BMP2: variants seen among roughly 807,000 people sequenced by gnomAD.
BMP2 encodes the protein bone morphogenetic protein 2A.
BMP2 carries 2 observed loss-of-function variants against 28.8 expected under a neutral mutation model. That is an observed-to-expected ratio of 0.07 (90% CI 0.03 to 0.22). The LOEUF is 0.22. Ranked by LOEUF, BMP2 falls within the 10% of genes least tolerant of loss-of-function variation. The pLI, the probability that BMP2 is intolerant of heterozygous loss-of-function variation, is 1.00. For synonymous variants in BMP2, 218 were observed against 204.3 expected (o/e 1.07, Z -0.57); for missense variants, 437 against 517.7 (o/e 0.84, Z 1.51).
Position 6,778,498 on chromosome 20 carries a change from T to A in BMP2, c.600T>A (p.Asn200Lys), listed in dbSNP as rs1349011153. The change falls in exon 3 of 3, where the codon AAT becomes AAA. Residue 200 changes from asparagine (N) to lysine (K), a missense_variant. Physicochemically the swap from Asn to Lys is moderately conservative, Grantham distance 94. Around this residue, in one of 2 missense-constraint regions of BMP2, gnomAD observed 363 missense variants for 392.8 expected, o/e 0.92. Coordinates refer to ENST00000378827, the MANE Select transcript of BMP2 (RefSeq NM_001200.4). The surrounding 1 kb of genome is among the most constrained non-coding windows in gnomAD (Gnocchi z 5.0). ...TGGACACCAGGTTGGTGAATCAGAATGCAAGCAGGTGGGAAAGTTTTGATG... is the reference window on the plus strand; with the variant it reads ...TGGACACCAGGTTGGTGAATCAGAAAGCAAGCAGGTGGGAAAGTTTTGATG... ...RLLDTRLVNQ[N>K]ASRWESFDVT... 6.2e-7 allele frequency: 1 copy of A among 1,614,198 alleles called. No homozygotes were observed. The highest frequency in any genetic ancestry group is 8.5e-7 in the Non-Finnish European group (1 of 1,180,034).
At position 6,780,020 on chromosome 20, in the gene BMP2, AATTT is replaced by A. The variant is rs144610334; in HGVS notation, c.*936_*939del. 1,544 of 152,682 alleles carry A rather than the reference AATTT, an allele frequency of 0.01. 9 individuals carry two copies. The highest frequency in any genetic ancestry group is 0.034 in the Middle Eastern group (10 of 294). 9.5% of individuals were successfully genotyped at this position (152,682 alleles called of 1,614,324 possible). The stretch of plus-strand genomic sequence containing the variant: ...CTCGTGGCCCTCATCAAGGGTTGGA[AATTT>A]ATTTGTGTTTTACCTTTACCTCATC... On this transcript the variant is annotated 3_prime_UTR_variant, in exon 3 of 3. Coordinates refer to ENST00000378827, the MANE Select transcript of BMP2 (RefSeq NM_001200.4).
In BMP2 at chr20:6,768,316, C is replaced by G. The variant is rs927371742; in HGVS notation, c.-567C>G. On this transcript the variant is annotated 5_prime_UTR_variant, in exon 1 of 3. Coordinates refer to ENST00000378827, the MANE Select transcript of BMP2 (RefSeq NM_001200.4). ...ACTCGCCTGGCACCGAGATCGCCGC[C>G]GTGCCCTTCCCTGGACCCGGCGTCG... is the stretch of plus-strand genomic sequence containing the variant. 2.5e-6 allele frequency: 1 copy of G among 397,650 alleles called. No individual in the cohort carries two copies. The highest frequency in any genetic ancestry group is 4.4e-6 in the Non-Finnish European group (1 of 225,604). The allele number at this position is 397,650 out of a possible 1,614,324, so 24.6% of individuals were successfully genotyped here.
In BMP2 at chr20:6,780,059, T is replaced by G. The variant is rs567771075; in HGVS notation, c.*970T>G. The G allele has an allele frequency of 9.8e-4, 149 of 152,786 alleles. No homozygotes were observed. Among genetic ancestry groups the G allele is most frequent in the African/African-American group, 3.1e-3 (127 of 41,588 alleles). 9.5% of individuals were successfully genotyped at this position (152,786 alleles called of 1,614,324 possible). On this transcript the variant is annotated 3_prime_UTR_variant, in exon 3 of 3. Transcript: ENST00000378827. The stretch of plus-strand genomic sequence containing the variant: ...TTACCTTTACCTCATCTGAGAGCTC[T>G]TTATTCTCCAAAGAACCCAGTTTTC...
Position 6,778,210 on chromosome 20 carries a change from T to C in BMP2, c.347-35T>C. ...CTTGGCTTACTGAAATTCAGACTTTTCTTTTTTCTTCCCTGTTTTTCTCTA... is the reference window on the plus strand; with the variant it reads ...CTTGGCTTACTGAAATTCAGACTTTCCTTTTTTCTTCCCTGTTTTTCTCTA... On this transcript the variant is annotated intron_variant, in intron 2 of 2. Coordinates refer to ENST00000378827, the MANE Select transcript of BMP2 (RefSeq NM_001200.4). This position sits in a 1 kb window ranked among gnomAD's most constrained non-coding sequence, Gnocchi z 5.0. The C allele has an allele frequency of 6.5e-7, 1 of 1,541,922 alleles. No homozygotes were observed. The highest frequency in any genetic ancestry group is 8.7e-7 in the Non-Finnish European group (1 of 1,151,238).
intron 2 of BMP2, 102 bp downstream of exon 2, chr20:6,770,574 C>T (rs1986378419): frequency 2.6e-6 from 3 of 1,156,048 alleles, no homozygotes; most frequent in Non-Finnish European, 3.6e-6. Flanking sequence ...GGCCGGGGCA[C>T]CAGCGGACGT....
Position 6,769,612 on chromosome 20 carries a change from G to GGTGTGTGTGTGTGT in BMP2, c.-7-485_-7-472dup, listed in dbSNP as rs61071559. 6.3e-3 allele frequency among the ~76,000 whole-genome samples: 875 copies of GGTGTGTGTGTGTGT among 139,984 alleles called. 4 individuals are homozygous for GGTGTGTGTGTGTGT. Among genetic ancestry groups the GGTGTGTGTGTGTGT allele is most frequent in the South Asian group, 0.012 (49 of 4,242 alleles). 91.8% of individuals were successfully genotyped at this position (139,984 alleles called of 152,430 possible). On this transcript the variant is annotated intron_variant, in intron 1 of 2. Coordinates refer to ENST00000378827, the MANE Select transcript of BMP2 (RefSeq NM_001200.4). Reference sequence around the variant, plus strand: ...GCTTACAGGGTCTGGAAGCTATAAGGGTGTGTGTGTGTGTGTGTGTGTGTG... The same window carrying GGTGTGTGTGTGTGT: ...GCTTACAGGGTCTGGAAGCTATAAGGGTGTGTGTGTGTGTGTGTGTGTGTGTGTGTGTGTGTGTG...
intron 2 of BMP2, among the ~76,000 whole-genome samples, chr20:6,774,118 G>T (rs1390628509): frequency 6.6e-6 from 1 of 152,018 alleles, no homozygotes; most frequent in Non-Finnish European, 1.5e-5. Context: ...AGTTGGGACA[G>T]AACTCACCCA....
chr20:6,775,291 T>C (rs1264526140), intron 2 of BMP2, among the ~76,000 whole-genome samples: 1 of 152,230 alleles, frequency 6.6e-6, no homozygotes, highest in Non-Finnish European at 1.5e-5. Flanking sequence ...TACTCTTCCC[T>C]GGCAGATTAA....
In BMP2 at chr20:6,769,354, C is replaced by T. The variant is rs144643504; in HGVS notation, c.-8+479C>T. On this transcript the variant is annotated intron_variant, in intron 1 of 2. Coordinates refer to ENST00000378827, the MANE Select transcript of BMP2 (RefSeq NM_001200.4). ...GAAAGTACTAGGAGTTTGGGGTTCT[C>T]CCTACTTGTTTCCAGAAATGCGAGG... Among the ~76,000 whole-genome samples the T allele has an allele frequency of 4.8e-3, 727 of 152,128 alleles. 9 individuals are homozygous for T. Among genetic ancestry groups the T allele is most frequent in the Non-Finnish European group, 8.6e-3 (588 of 68,000 alleles).
intron 2 of BMP2, among the ~76,000 whole-genome samples, chr20:6,776,611 G>A (rs986813111): frequency 2.0e-5 from 3 of 152,220 alleles, no homozygotes; most frequent in Non-Finnish European, 4.4e-5. Flanking sequence ...TGAATCTCAA[G>A]CATCTCCCCA....
chr20:6,776,490 C>T (rs1986503109), intron 2 of BMP2, among the ~76,000 whole-genome samples: 1 of 152,158 alleles, frequency 6.6e-6, no homozygotes, highest in African/African-American at 2.4e-5. Context: ...TTTAAAAATG[C>T]ACTCCTGGCA....
Position 6,770,246 on chromosome 20 carries a change from C to G in BMP2, c.120C>G (p.Arg40=). The G allele has an allele frequency of 6.2e-7, 1 of 1,608,704 alleles. No homozygotes were observed. The highest frequency in any genetic ancestry group is 8.5e-7 in the Non-Finnish European group (1 of 1,177,924). The change falls in exon 2 of 3, where the codon CGC becomes CGG. Residue 40 remains arginine (R), a synonymous_variant. Coordinates refer to ENST00000378827, the MANE Select transcript of BMP2 (RefSeq NM_001200.4). ...RRKFAAASSG[R]PSSQPSDEVL... ...AGTTCGCGGCGGCGTCGTCGGGCCGCCCCTCATCCCAGCCCTCTGACGAGG... is the reference window on the plus strand; with the variant it reads ...AGTTCGCGGCGGCGTCGTCGGGCCGGCCCTCATCCCAGCCCTCTGACGAGG...
intron 2 of BMP2, among the ~76,000 whole-genome samples, chr20:6,771,813 C>T (rs897716818): frequency 6.6e-6 from 1 of 152,152 alleles, no homozygotes; most frequent in African/African-American, 2.4e-5. Context: ...AGATCTCACT[C>T]CACTCTTTCA....
rs576029160 is a variant in BMP2, at chr20:6,772,785, C to T, written c.346+2313C>T. 1.7e-3 allele frequency among the ~76,000 whole-genome samples: 258 copies of T among 152,316 alleles called. 1 individual carries two copies. The highest frequency in any genetic ancestry group is 5.5e-3 in the African/African-American group (230 of 41,578). On this transcript the variant is annotated intron_variant, in intron 2 of 2. Coordinates refer to ENST00000378827, the MANE Select transcript of BMP2 (RefSeq NM_001200.4). ...CGACCATATCATAGGGGATCTGAGA[C>T]AGAATTATCAGTTGTATTTTTCCTA...
chr20:6,769,902 T>C (rs1044540119), intron 1 of BMP2, among the ~76,000 whole-genome samples: 1 of 152,098 alleles, frequency 6.6e-6, no homozygotes, highest in Non-Finnish European at 1.5e-5. Context: ...AGCTAAGCGT[T>C]GGATGGGAGC....
chr20:6,777,352 TA>T (rs1204846214), intron 2 of BMP2, among the ~76,000 whole-genome samples: 3 of 152,184 alleles, frequency 2.0e-5, no homozygotes, highest in Non-Finnish European at 4.4e-5. Context: ...AAATTTTTAT[TA>T]TTTTTTTGGT....
intron 1 of BMP2, among the ~76,000 whole-genome samples, chr20:6,769,797 T>C (rs1462778293): frequency 6.6e-6 from 1 of 152,110 alleles, no homozygotes; most frequent in African/African-American, 2.4e-5. Context: ...GTTCCCGGCA[T>C]TGGCTGTCAG....
intron 2 of BMP2, among the ~76,000 whole-genome samples, chr20:6,775,606 ATTG>A (rs1487253216): frequency 5.3e-5 from 8 of 152,136 alleles, no homozygotes; most frequent in African/African-American, 1.9e-4. Context: ...ACCACATGAA[ATTG>A]TTGTTGTCTG....
chr20:6,773,517 C>T lies in BMP2; in HGVS notation c.346+3045C>T, dbSNP rs1986439905. Among the ~76,000 whole-genome samples the T allele has an allele frequency of 2.0e-5, 3 of 152,184 alleles. No individual in the cohort carries two copies. In the South Asian group the frequency reaches 6.2e-4, roughly 32 times the overall value. On this transcript the variant is annotated intron_variant, in intron 2 of 2. Transcript: ENST00000378827. ...GGTTCCCCTAAATTTCTCTTAATCC[C>T]TTTGCAGTGAACTATTTTGCGTTCT... is the stretch of plus-strand genomic sequence containing the variant.
Sources: allele counts gnomAD v4.1 joint callset (sites outside exome capture counted in the v4.1 genomes callset), GRCh38; gene constraint gnomAD v4.1.1; regional missense constraint gnomAD v4.1.1; non-coding constraint Gnocchi (gnomAD v3.1); transcripts MANE v1.5; gene names NCBI Gene and HGNC (gene_info 2026-07-23, HGNC 2026-07-21).